Variants in FAF1 observed in about 807,000 individuals in gnomAD.
FAF1 encodes the protein FAS-associated factor 1.
Under a neutral mutation model 92.5 loss-of-function variants are expected in FAF1, and 25 were observed. The ratio of observed to expected loss-of-function variants is 0.27; its 90% CI spans 0.20 to 0.38. The LOEUF (loss-of-function observed/expected upper bound fraction) is 0.38. Among genes scored for constraint, FAF1 ranks in the 10% least tolerant of loss-of-function variants. The pLI is 1.00. For missense variants in FAF1, 636 were observed against 793.3 expected, an observed-to-expected ratio of 0.80 and a Z score of 2.38; for synonymous variants, 234 against 273.2, an observed-to-expected ratio of 0.86 and a Z score of 1.42.
At chr1:50,591,617 G>A (rs1395682262) in intron 9 of FAF1, among the ~76,000 whole-genome samples, 1 of 147,714 alleles carries the variant, frequency 6.8e-6, no homozygotes, top group Non-Finnish European at 1.5e-5. Context: ...AGGTTGCAGT[G>A]AGCCGAGATC....
intron 15 of FAF1, among the ~76,000 whole-genome samples, chr1:50,506,714 C>A (rs1647063368): frequency 2.0e-5 from 3 of 152,118 alleles, no homozygotes; most frequent in Admixed American, 2.0e-4. Flanking sequence ...ACTATACATA[C>A]CCTTCTAATT....
At chr1:50,876,186 A>G (rs1272582791) in intron 1 of FAF1, among the ~76,000 whole-genome samples, 1 of 152,220 alleles carries the variant, frequency 6.6e-6, no homozygotes, top group African/African-American at 2.4e-5. Flanking sequence ...CTCAAGATGA[A>G]ATGGAGTACG....
intron 3 of FAF1, among the ~76,000 whole-genome samples, chr1:50,801,097 CA>C (rs1370155433): frequency 8.5e-5 from 13 of 152,210 alleles, no homozygotes; most frequent in African/African-American, 3.1e-4. Flanking sequence ...GGCCATAACA[CA>C]AAACCTCTAA....
intron 8 of FAF1, among the ~76,000 whole-genome samples, chr1:50,612,100 T>C (rs557547274): frequency 3.9e-5 from 6 of 152,334 alleles, no homozygotes; most frequent in Admixed American, 3.3e-4. Context: ...AAAACCATCA[T>C]ACACAGGAAA....
chr1:50,630,814 C>T (rs1238055104), intron 8 of FAF1, among the ~76,000 whole-genome samples: 2 of 142,898 alleles, frequency 1.4e-5, no homozygotes, highest in East Asian at 4.0e-4. Context: ...GTTTACATAT[C>T]TAGTGTATCA....
chr1:50,820,881 T>G (rs1644037540), intron 2 of FAF1, among the ~76,000 whole-genome samples: 1 of 152,196 alleles, frequency 6.6e-6, no homozygotes, highest in Non-Finnish European at 1.5e-5. Context: ...ATACCAGATT[T>G]TCTTTATCCA....
intron 1 of FAF1, among the ~76,000 whole-genome samples, chr1:50,921,723 G>C (rs1367098238): frequency 6.6e-6 from 1 of 151,920 alleles, no homozygotes; most frequent in Non-Finnish European, 1.5e-5. Context: ...GAGGCATGCA[G>C]TAAGCCAAGA....
chr1:50,908,658 G>A (rs1308211729), intron 1 of FAF1, among the ~76,000 whole-genome samples: 1 of 151,600 alleles, frequency 6.6e-6, no homozygotes, highest in African/African-American at 2.4e-5. Flanking sequence ...ATCTTTGTTG[G>A]TTTAAAGTCT....
intron 1 of FAF1, among the ~76,000 whole-genome samples, chr1:50,933,581 C>T (rs946227311): frequency 6.6e-6 from 1 of 152,202 alleles, no homozygotes; most frequent in South Asian, 2.1e-4. Flanking sequence ...CCCATATTTT[C>T]CTGCCTTCTT....
intron 15 of FAF1, among the ~76,000 whole-genome samples, chr1:50,514,487 T>A (rs913955566): frequency 6.6e-6 from 1 of 152,214 alleles, no homozygotes; most frequent in Non-Finnish European, 1.5e-5. Flanking sequence ...ATTGAGCCTT[T>A]AATATAATGT....
intron 6 of FAF1, among the ~76,000 whole-genome samples, chr1:50,706,923 G>A (rs532306430): frequency 3.7e-4 from 57 of 152,280 alleles, no homozygotes; most frequent in African/African-American, 1.3e-3. Flanking sequence ...AGACAGATAG[G>A]ACGGGCACGG....
chr1:50,829,685 A>C (rs1020470278), intron 2 of FAF1, among the ~76,000 whole-genome samples: 1 of 152,208 alleles, frequency 6.6e-6, no homozygotes, highest in Non-Finnish European at 1.5e-5. Flanking sequence ...GAAAACAAGA[A>C]ACTACCTACA....
chr1:50,816,044 T>A lies in FAF1; in HGVS notation c.115-14367A>T, dbSNP rs965444691. 4.6e-3 allele frequency among the ~76,000 whole-genome samples: 693 copies of A among 149,684 alleles called. 5 individuals are homozygous for A. The highest frequency in any genetic ancestry group is 0.016 in the East Asian group (84 of 5,094). ...TCCGTCTTAAAAAAAAAAAAAAAAA[T>A]TTTAAAAAAGCCATTCTTCCTGGTG... On this transcript the variant is annotated intron_variant, in intron 2 of 18. Transcript: ENST00000396153.
chr1:50,534,938 G>T (rs11205731), intron 15 of FAF1, among the ~76,000 whole-genome samples: 6,896 of 152,232 alleles, frequency 0.045, 502 homozygotes, highest in African/African-American at 0.15. Flanking sequence ...TTTTGCTAAT[G>T]CTCACAGTAC....
At chr1:50,838,414 T>A (rs1267761160) in intron 2 of FAF1, among the ~76,000 whole-genome samples, 2 of 150,178 alleles carry the variant, frequency 1.3e-5, no homozygotes, top group Non-Finnish European at 3.0e-5. Flanking sequence ...ACTTTTAATT[T>A]TACATGTTAA....
At chr1:50,691,511 G>C (rs1444542199) in intron 7 of FAF1, among the ~76,000 whole-genome samples, 1 of 152,132 alleles carries the variant, frequency 6.6e-6, no homozygotes, top group Non-Finnish European at 1.5e-5. Context: ...CAAAGTACTG[G>C]GATTACCGGC....
intron 1 of FAF1, among the ~76,000 whole-genome samples, chr1:50,916,010 C>G (rs561076934): frequency 1.3e-5 from 2 of 152,162 alleles, no homozygotes; most frequent in East Asian, 1.9e-4. Context: ...AGAGATAATA[C>G]AGCCCTCTGT....
intron 4 of FAF1, among the ~76,000 whole-genome samples, chr1:50,786,485 C>T (rs1661368832): frequency 6.6e-6 from 1 of 152,126 alleles, no homozygotes; most frequent in African/African-American, 2.4e-5. Context: ...CCAATGGGTA[C>T]AGAGTTTCAG....
At chr1:50,747,827 A>T (rs1282146595) in intron 4 of FAF1, among the ~76,000 whole-genome samples, 1 of 152,128 alleles carries the variant, frequency 6.6e-6, no homozygotes, top group African/African-American at 2.4e-5. Flanking sequence ...TTCTTGTGAT[A>T]CAGTTCTCGT....
Sources: gnomAD v4.1 joint callset for allele counts (sites outside exome capture counted in the v4.1 genomes callset) on GRCh38, gnomAD v4.1.1 for gene constraint, MANE v1.5 for transcripts, NCBI Gene and HGNC (gene_info 2026-07-23, HGNC 2026-07-21) for gene names.